MSI2: variants seen among roughly 807,000 people sequenced by gnomAD.
The protein encoded by MSI2 is RNA-binding protein Musashi homolog 2.
A neutral mutation model predicts 45.6 loss-of-function variants in MSI2; 17 were observed. The ratio of observed to expected loss-of-function variants is 0.37; its 90% CI spans 0.26 to 0.56. The LOEUF is 0.56. Among genes scored for constraint, MSI2 ranks in the 20% least tolerant of loss-of-function variants. The pLI, the probability that MSI2 is intolerant of heterozygous loss-of-function variation, is 0.77. For missense variants in MSI2, 293 were observed against 444.2 expected, an observed-to-expected ratio of 0.66 and a Z score of 3.06; for synonymous variants, 156 against 158.2, an observed-to-expected ratio of 0.99 and a Z score of 0.11.
intron 7 of MSI2, among the ~76,000 whole-genome samples, chr17:57,567,604 C>T (rs2087767546): frequency 1.3e-5 from 2 of 152,224 alleles, no homozygotes; most frequent in Non-Finnish European, 2.9e-5. Context: ...CTGCCAGTCT[C>T]TCTCTGCAGT....
chr17:57,260,590 C>G (rs1057463808), intron 4 of MSI2, among the ~76,000 whole-genome samples: 3 of 152,292 alleles, frequency 2.0e-5, no homozygotes, highest in South Asian at 2.1e-4. Context: ...TGTTGTATTT[C>G]TCTTGTAGAC....
chr17:57,652,844 A>G lies in MSI2; in HGVS notation c.790+683A>G, dbSNP rs1158940146. Among the ~76,000 whole-genome samples the G allele has an allele frequency of 6.6e-6, 1 of 152,244 alleles. No homozygotes were observed. The highest frequency in any genetic ancestry group is 1.5e-5 in the Non-Finnish European group (1 of 68,042). On this transcript the variant is annotated intron_variant, in intron 11 of 13. Coordinates refer to ENST00000284073, the MANE Select transcript of MSI2 (RefSeq NM_138962.4). The surrounding 1 kb of genome is among the most constrained non-coding windows in gnomAD (Gnocchi z 4.1). ...TCAAGTGACATGGGAACACTTTCCC[A>G]GCATTATCATGGGGTCAGGCCAGAG...
Position 57,376,973 on chromosome 17 carries a change from G to A in MSI2, c.313-24406G>A, listed in dbSNP as rs371352062. ...TCTCGCTCTGTCCCCCAGGCTGGAG[G>A]GCAGTGGCGCGATCTCGGCTCACTG... On this transcript the variant is annotated intron_variant, in intron 5 of 13. Transcript: ENST00000284073. Among the ~76,000 whole-genome samples the A allele has an allele frequency of 2.3e-4, 35 of 151,062 alleles. 2 individuals carry two copies. The South Asian group carries it at 7.1e-3, about 31-fold the overall frequency.
rs532726100 is a variant in MSI2 at position 57,288,551 on chromosome 17, C to T, written c.312+26359C>T. Reference sequence around the variant, plus strand: ...TTCTCTGGCCTCTGCCTGAGAGCAGCGTGCACCGGAGACTGAGGGAGGTTG... The same window carrying T: ...TTCTCTGGCCTCTGCCTGAGAGCAGTGTGCACCGGAGACTGAGGGAGGTTG... On this transcript the variant is annotated intron_variant, in intron 5 of 13. Transcript: ENST00000284073. 2.0e-4 allele frequency among the ~76,000 whole-genome samples: 31 copies of T among 152,300 alleles called. 1 individual carries two copies. The highest frequency in any genetic ancestry group is 8.5e-4 in the Admixed American group (13 of 15,304).
At chr17:57,344,085 A>C (rs1414518481) in intron 5 of MSI2, among the ~76,000 whole-genome samples, 3 of 152,224 alleles carry the variant, frequency 2.0e-5, no homozygotes, top group Non-Finnish European at 4.4e-5. Context: ...GATGTTCCTC[A>C]TGGAAGTTTC....
chr17:57,271,515 A>T (rs772200080), intron 5 of MSI2, among the ~76,000 whole-genome samples: 8 of 152,150 alleles, frequency 5.3e-5, no homozygotes, highest in Non-Finnish European at 1.0e-4. Flanking sequence ...GGTCTTGATG[A>T]TGCATTCTGG....
rs997331806 is a variant in MSI2 at position 57,681,007 on chromosome 17, AT to A, written c.*1498del. On this transcript the variant is annotated 3_prime_UTR_variant, in exon 14 of 14. Transcript: ENST00000284073. ...GAAAGCAACCTTTTGGTTTATATAT[AT>A]TTTTTTTAATACCTCAGTGCTGCAA... 1.3e-4 allele frequency: 24 copies of A among 185,536 alleles called. No individual in the cohort carries two copies. The highest frequency in any genetic ancestry group is 1.7e-4 in the East Asian group (2 of 11,564). 11.5% of individuals were successfully genotyped at this position (185,536 alleles called of 1,614,324 possible).
chr17:57,483,450 C>T (rs1410191316), intron 6 of MSI2, among the ~76,000 whole-genome samples: 1 of 152,132 alleles, frequency 6.6e-6, no homozygotes, highest in African/African-American at 2.4e-5. Context: ...TGACTGGCGC[C>T]CCCCAAATTC....
chr17:57,652,817 C>T lies in MSI2; in HGVS notation c.790+656C>T, dbSNP rs1230259796. ...GCCAACCTTTTGGAGGTCTGGAACC[C>T]CTCAAGTGACATGGGAACACTTTCC... On this transcript the variant is annotated intron_variant, in intron 11 of 13. Coordinates refer to ENST00000284073, the MANE Select transcript of MSI2 (RefSeq NM_138962.4). This position sits in a 1 kb window ranked among gnomAD's most constrained non-coding sequence, Gnocchi z 4.1. Among the ~76,000 whole-genome samples the T allele has an allele frequency of 1.3e-5, 2 of 152,232 alleles. No homozygotes were observed. Among genetic ancestry groups the T allele is most frequent in the South Asian group, 2.1e-4 (1 of 4,838 alleles).
chr17:57,662,891 G>A (rs1912090811), intron 11 of MSI2, among the ~76,000 whole-genome samples: 1 of 152,204 alleles, frequency 6.6e-6, no homozygotes, highest in Non-Finnish European at 1.5e-5. Flanking sequence ...GAGGAGGCGT[G>A]GTCGTGTAAG....
chr17:57,603,055 C>T (rs1488916280), intron 8 of MSI2, among the ~76,000 whole-genome samples: 2 of 152,218 alleles, frequency 1.3e-5, no homozygotes, highest in African/African-American at 4.8e-5. Context: ...GGAGCCAGGC[C>T]AAATGGGGCC....
chr17:57,396,974 G>A (rs7207993), intron 5 of MSI2, among the ~76,000 whole-genome samples: 4 of 152,088 alleles, frequency 2.6e-5, no homozygotes, highest in Non-Finnish European at 5.9e-5. Flanking sequence ...AATGTTATCC[G>A]CAACCTCTCC....
chr17:57,582,117 A>T (rs952527454), intron 7 of MSI2, among the ~76,000 whole-genome samples: 1 of 152,082 alleles, frequency 6.6e-6, no homozygotes, highest in Non-Finnish European at 1.5e-5. Context: ...TGGTGTGGGG[A>T]GGGGTCCACA....
At chr17:57,451,583 G>T (rs1214722391) in intron 6 of MSI2, among the ~76,000 whole-genome samples, 1 of 152,176 alleles carries the variant, frequency 6.6e-6, no homozygotes. Flanking sequence ...CGTAGCTGTT[G>T]CTGGATCTTC....
At chr17:57,353,414 G>T (rs1916183928) in intron 5 of MSI2, among the ~76,000 whole-genome samples, 1 of 152,206 alleles carries the variant, frequency 6.6e-6, no homozygotes, top group Admixed American at 6.5e-5. Flanking sequence ...CTAAGGACTT[G>T]TGTGCCCAGG....
chr17:57,565,260 AT>A (rs2087700292), intron 7 of MSI2, among the ~76,000 whole-genome samples: 2 of 152,010 alleles, frequency 1.3e-5, no homozygotes, highest in African/African-American at 4.8e-5. Context: ...ATCATGCTGG[AT>A]TTCCCATTTT....
intron 8 of MSI2, 70 bp downstream of exon 8, chr17:57,597,020 T>C: frequency 2.6e-6 from 3 of 1,153,600 alleles, no homozygotes; most frequent in Non-Finnish European, 3.9e-6. Flanking sequence ...TCTTGCAGAC[T>C]GGTCCAGCCC....
At chr17:57,443,766 C>T (rs551669925) in intron 6 of MSI2, among the ~76,000 whole-genome samples, 1 of 152,286 alleles carries the variant, frequency 6.6e-6, no homozygotes, top group Non-Finnish European at 1.5e-5. Flanking sequence ...CCTCTCTGTA[C>T]CTCAGTTCCT....
chr17:57,348,231 G>A (rs750906146), intron 5 of MSI2, among the ~76,000 whole-genome samples: 11 of 152,206 alleles, frequency 7.2e-5, no homozygotes, highest in Non-Finnish European at 1.2e-4. Context: ...AGGGTGGTTA[G>A]ACTAGGGGTT....
Sources: gnomAD v4.1 joint callset for allele counts (sites outside exome capture counted in the v4.1 genomes callset) on GRCh38, gnomAD v4.1.1 for gene constraint, Gnocchi (gnomAD v3.1) non-coding constraint, MANE v1.5 for transcripts, NCBI Gene and HGNC (gene_info 2026-07-23, HGNC 2026-07-21) for gene names.